Variants in EMG1 observed in about 807,000 individuals in gnomAD.
EMG1 encodes EMG1 N1-specific pseudouridine methyltransferase.
A neutral mutation model predicts 26.9 loss-of-function variants in EMG1; 24 were observed. The ratio of observed to expected loss-of-function variants is 0.89; its 90% confidence interval spans 0.65 to 1.26. The LOEUF is 1.26. EMG1 is among the 50% of genes most tolerant of loss of function. EMG1 has a pLI of 0.00. For synonymous variants in EMG1, 140 were observed against 112.6 expected (o/e 1.24, Z -1.54); for missense variants, 299 against 307.6 (o/e 0.97, Z 0.21).
At chr12:6,981,122 C>T (rs782612570), downstream of EMG1, 13 of 1,613,980 alleles carry the variant, frequency 8.1e-6, no homozygotes, top group Non-Finnish European at 1.1e-5. Context: ...AAACCAGCAA[C>T]TTCCAGCAGG....
rs1810491127 is a variant in EMG1 at position 6,978,227 on chromosome 12, G to A, written c.*2418G>A. ...TCAAAGTCAGTGTGAGCGACAGGGGGTTCTGCCCAGATGGGAAAGACGCAT... is the reference window on the plus strand; with the variant it reads ...TCAAAGTCAGTGTGAGCGACAGGGGATTCTGCCCAGATGGGAAAGACGCAT... On this transcript the variant is annotated 3_prime_UTR_variant, in exon 6 of 6. Transcript: ENST00000599672. 7.9e-7 allele frequency: 1 copy of A among 1,263,794 alleles called. No individual in the cohort carries two copies. The highest frequency in any genetic ancestry group is 1.1e-6 in the Non-Finnish European group (1 of 909,164). 78.3% of individuals were successfully genotyped at this position (1,263,794 alleles called of 1,614,324 possible). A position where few individuals can be genotyped will look rare whatever the true frequency, so the allele number is the denominator to read the frequency against.
chr12:6,978,729 G>A lies in EMG1; in HGVS notation c.*2920G>A, dbSNP rs376806517. On this transcript the variant is annotated 3_prime_UTR_variant, in exon 6 of 6. Transcript: ENST00000599672. ...GCACAGTGCATTAGGGATATCACAT[G>A]ACTAGGCAGTTTCTCTCAGCACTCT... The A allele has an allele frequency of 5.3e-5, 85 of 1,608,816 alleles. No individual in the cohort carries two copies. The highest frequency in any genetic ancestry group is 7.0e-5 in the Non-Finnish European group (82 of 1,177,326).
chr12:6,982,881 A>C (rs1946485197), downstream of EMG1: 12 of 755,910 alleles, frequency 1.6e-5, no homozygotes, highest in South Asian at 2.0e-4. Context: ...TGTTGGCATC[A>C]GGATCTTTTT....
downstream of EMG1, among the ~76,000 whole-genome samples, chr12:6,993,049 C>T (rs1946603911): frequency 6.6e-6 from 1 of 152,246 alleles, no homozygotes; most frequent in South Asian, 2.1e-4. Context: ...ATATGGAGGG[C>T]TGACTATACA....
downstream of EMG1, chr12:6,981,294 TTC>T: frequency 1.2e-6 from 1 of 865,948 alleles, no homozygotes; most frequent in East Asian, 2.5e-5. Flanking sequence ...TCAAATAGCC[TTC>T]TCTTTGGGGG....
downstream of EMG1, among the ~76,000 whole-genome samples, chr12:6,993,092 A>C (rs1255779937): frequency 6.6e-6 from 1 of 152,140 alleles, no homozygotes; most frequent in African/African-American, 2.4e-5. Flanking sequence ...CTGAGATATA[A>C]TTTACCATAA....
chr12:6,976,875 A>G lies in EMG1; in HGVS notation c.*1066A>G. ...AAGGGAGACGAGTAGTTTCTGCACC[A>G]GTCCCGCACAGGCCACCTGCAAGAC... On this transcript the variant is annotated 3_prime_UTR_variant, in exon 6 of 6. Coordinates refer to ENST00000599672, the MANE Select transcript of EMG1 (RefSeq NM_006331.8). 2 of 361,024 alleles carry G rather than the reference A, an allele frequency of 5.5e-6. No individual in the cohort carries two copies. Among genetic ancestry groups the G allele is most frequent in the South Asian group, 3.9e-5 (1 of 25,336 alleles). 22.4% of individuals were successfully genotyped at this position (361,024 alleles called of 1,614,324 possible). A position where few individuals can be genotyped will look rare whatever the true frequency, so the allele number is the denominator to read the frequency against.
rs782345319 is a variant in EMG1, at chr12:6,977,919, G to A, written c.*2110G>A. The A allele has an allele frequency of 5.7e-5, 41 of 721,812 alleles. No individual in the cohort carries two copies. Among genetic ancestry groups the A allele is most frequent in the Non-Finnish European group, 8.8e-5 (39 of 443,990 alleles). The allele number at this position is 721,812 out of a possible 1,614,324, so 44.7% of individuals were successfully genotyped here. On this transcript the variant is annotated 3_prime_UTR_variant, in exon 6 of 6. Coordinates refer to ENST00000599672, the MANE Select transcript of EMG1 (RefSeq NM_006331.8). This position sits in a 1 kb window ranked among gnomAD's most constrained non-coding sequence, Gnocchi z 4.5. The stretch of plus-strand genomic sequence containing the variant: ...TGATTACTTTTAGAGATGGAAAGCA[G>A]ACCCAAGGCGGAGCTGGAGACCGTG...
downstream of EMG1, among the ~76,000 whole-genome samples, chr12:6,990,278 G>C (rs1946575400): frequency 6.6e-6 from 1 of 151,646 alleles, no homozygotes; most frequent in African/African-American, 2.4e-5. Context: ...GGGAGGCTGA[G>C]GCGGGCGGAT....
Position 6,978,251 on chromosome 12 carries a change from A to G in EMG1, c.*2442A>G. The G allele has an allele frequency of 6.9e-7, 1 of 1,443,664 alleles. No individual in the cohort carries two copies. The highest frequency in any genetic ancestry group is 2.6e-4 in the Middle Eastern group (1 of 3,872). The allele number at this position is 1,443,664 out of a possible 1,614,324, so 89.4% of individuals were successfully genotyped here. On this transcript the variant is annotated 3_prime_UTR_variant, in exon 6 of 6. Transcript: ENST00000599672. ...GGTTCTGCCCAGATGGGAAAGACGC[A>G]TAGGGGTGACATGGTACACCCCTGC...
At chr12:6,993,897 C>T (rs1359882462) in intron 7 of EMG1, among the ~76,000 whole-genome samples, 2 of 152,180 alleles carry the variant, frequency 1.3e-5, no homozygotes, top group Admixed American at 6.5e-5. Flanking sequence ...CAGGCATGAG[C>T]CACTACGCCC....
rs1278767528 is a variant in EMG1 at position 6,976,966 on chromosome 12, T to C, written c.*1157T>C. The C allele has an allele frequency of 1.2e-5, 7 of 594,696 alleles. No homozygotes were observed. The highest frequency in any genetic ancestry group is 1.8e-5 in the Non-Finnish European group (6 of 330,284). 36.8% of individuals were successfully genotyped at this position (594,696 alleles called of 1,614,324 possible). A position where few individuals can be genotyped will look rare whatever the true frequency, so the allele number is the denominator to read the frequency against. ...CTGGTCTATAGCCCTTCCAGATGTTTCCTAGCATGCCTCAATAAGTCACAG... is the reference window on the plus strand; with the variant it reads ...CTGGTCTATAGCCCTTCCAGATGTTCCCTAGCATGCCTCAATAAGTCACAG... On this transcript the variant is annotated 3_prime_UTR_variant, in exon 6 of 6. Transcript: ENST00000599672.
Position 6,975,108 on chromosome 12 carries a change from T to A in EMG1, c.431T>A (p.Leu144His). 1 of 1,614,050 alleles carries A rather than the reference T, an allele frequency of 6.2e-7. No homozygotes were observed. The highest frequency in any genetic ancestry group is 8.5e-7 in the Non-Finnish European group (1 of 1,179,908). ...CGLMVQLLHK[L>H]SVRAADGPQK... ...CTTCTAGTTCAACTTTTACACAAGC[T>A]CAGTGTTCGAGCAGCTGATGGCCCC... Residue 144 changes from leucine (L) to histidine (H), a missense_variant, in exon 4 of 6, where the codon CTC becomes CAC. Leu to His is a moderately conservative substitution (Grantham distance 99, BLOSUM62 -3). Coordinates refer to ENST00000599672, the MANE Select transcript of EMG1 (RefSeq NM_006331.8).
At chr12:6,983,431 C>T (rs1555154398), downstream of EMG1, 1 of 1,589,326 alleles carries the variant, frequency 6.3e-7, no homozygotes, top group African/African-American at 1.3e-5. Flanking sequence ...AGTTTACTCA[C>T]CAAAGTTAAA....
chr12:6,977,408 T>G lies in EMG1; in HGVS notation c.*1599T>G, dbSNP rs2138326429. 3 of 1,614,196 alleles carry G rather than the reference T, an allele frequency of 1.9e-6. No homozygotes were observed. Among genetic ancestry groups the G allele is most frequent in the Middle Eastern group, 3.3e-4 (2 of 6,062 alleles). ...CACGTGAAGAGGCAGAAGGCAGTCA[T>G]GGAGTAACCCATGAAGAGCCAGTGG... On this transcript the variant is annotated 3_prime_UTR_variant, in exon 6 of 6. Transcript: ENST00000599672. This position sits in a 1 kb window ranked among gnomAD's most constrained non-coding sequence, Gnocchi z 4.5.
In EMG1 at chr12:6,978,394, G is replaced by T. The variant is rs1440412491; in HGVS notation, c.*2585G>T. The T allele has an allele frequency of 1.2e-6, 2 of 1,613,854 alleles. No individual in the cohort carries two copies. The highest frequency in any genetic ancestry group is 4.5e-5 in the East Asian group (2 of 44,896). On this transcript the variant is annotated 3_prime_UTR_variant, in exon 6 of 6. Coordinates refer to ENST00000599672, the MANE Select transcript of EMG1 (RefSeq NM_006331.8). The stretch of plus-strand genomic sequence containing the variant: ...TGAATGAGGCAATGGTGCCAGTGAA[G>T]CGGGGGTTTGTTTCAAAGAGCCACA...
chr12:6,974,820 A>T, intron 3 of EMG1, 127 bp downstream of exon 3: 1 of 1,021,702 alleles, frequency 9.8e-7, no homozygotes, highest in Non-Finnish European at 1.5e-6. Flanking sequence ...TAATACCAGG[A>T]CAAGGACTGT....
chr12:6,996,883 C>G (rs1373165565), intron 7 of EMG1, among the ~76,000 whole-genome samples: 1 of 152,090 alleles, frequency 6.6e-6, no homozygotes, highest in African/African-American at 2.4e-5. Flanking sequence ...GTAGTAAAGA[C>G]ACAGCGGTAG....
intron 1 of EMG1, 136 bp downstream of exon 1, chr12:6,971,227 C>T (rs1946322925): frequency 2.9e-6 from 2 of 697,370 alleles, no homozygotes; most frequent in Admixed American, 2.6e-5. Flanking sequence ...GCTTGGTTGG[C>T]TTTGCGTTGA....
Sources: allele counts gnomAD v4.1 joint callset (sites outside exome capture counted in the v4.1 genomes callset), GRCh38; gene constraint gnomAD v4.1.1; non-coding constraint Gnocchi (gnomAD v3.1); transcripts MANE v1.5; gene names NCBI Gene and HGNC (gene_info 2026-07-23, HGNC 2026-07-21).